PKN2: variants seen among roughly 807,000 people sequenced by gnomAD.
The protein encoded by PKN2 is protein kinase N2, also known as serine/threonine-protein kinase N2.
Under a neutral mutation model 119.1 loss-of-function variants are expected in PKN2, and 38 were observed. That is an observed-to-expected ratio of 0.32 (90% CI 0.25 to 0.42). The LOEUF is 0.42. PKN2 is among the 10% of genes least tolerant of loss of function. PKN2 has a pLI of 1.00. For missense variants in PKN2, 850 were observed against 1,165.1 expected (o/e 0.73, Z 3.94); for synonymous variants, 390 against 384.9 (o/e 1.01, Z -0.15).
At chr1:88,795,950 A>G (rs956518038) in intron 8 of PKN2, among the ~76,000 whole-genome samples, 70 of 152,240 alleles carry the variant, frequency 4.6e-4, no homozygotes, top group Admixed American at 2.4e-3. Context: ...GAGCAATCTG[A>G]GACCCAGCAA....
chr1:88,797,558 C>G (rs1037567697), intron 8 of PKN2, among the ~76,000 whole-genome samples: 1 of 150,848 alleles, frequency 6.6e-6, no homozygotes, highest in African/African-American at 2.4e-5. Flanking sequence ...AGGAGAATCT[C>G]TTGAATCTGG....
chr1:88,833,550 G>T lies in PKN2; in HGVS notation c.*102G>T, dbSNP rs766995532. ...GCCACCAATAGCTTCTGAGTTTTTT[G>T]TTGTTGTTGTTTTTATTGAAACACG... On this transcript the variant is annotated 3_prime_UTR_variant, in exon 22 of 22. Coordinates refer to ENST00000370521, the MANE Select transcript of PKN2 (RefSeq NM_006256.4). 9.3e-5 allele frequency: 77 copies of T among 826,302 alleles called. No homozygotes were observed. The highest frequency in any genetic ancestry group is 2.3e-4 in the Middle Eastern group (1 of 4,322). 51.2% of individuals were successfully genotyped at this position (826,302 alleles called of 1,614,324 possible). A position where few individuals can be genotyped will look rare whatever the true frequency, so the allele number is the denominator to read the frequency against.
chr1:88,824,332 T>C lies in PKN2; in HGVS notation c.2365T>C (p.Leu789=), dbSNP rs747931433. The change falls in exon 18 of 22, where the codon TTG becomes CTG. Residue 789 remains leucine, a synonymous_variant. Transcript: ENST00000370521. ...VYRDLKLDNL[L]LDTEGFVKIA... is the part of the protein sequence containing the mutation. The stretch of plus-strand genomic sequence containing the variant: ...CAGAGATTTGAAATTGGATAACTTA[T>C]TGCTAGATACAGAGGGCTTTGTGAA... The C allele has an allele frequency of 1.1e-5, 17 of 1,591,692 alleles. No homozygotes were observed. In the African/African-American group the frequency reaches 2.0e-4, roughly 19 times the overall value.
At chr1:88,811,518 A>G (rs1671782413) in intron 15 of PKN2, among the ~76,000 whole-genome samples, 1 of 152,160 alleles carries the variant, frequency 6.6e-6, no homozygotes, top group African/African-American at 2.4e-5. Context: ...AAGCAATACA[A>G]ACAATAGCAG....
intron 2 of PKN2, among the ~76,000 whole-genome samples, chr1:88,747,655 A>G (rs1033900813): frequency 1.3e-5 from 2 of 152,078 alleles, no homozygotes; most frequent in Admixed American, 6.5e-5. Flanking sequence ...TGGGTAGTGT[A>G]TAGTCTCTGT....
At chr1:88,691,840 A>G (rs1666345739) in intron 1 of PKN2, among the ~76,000 whole-genome samples, 1 of 151,792 alleles carries the variant, frequency 6.6e-6, no homozygotes, top group Non-Finnish European at 1.5e-5. Context: ...GAGAGAAACC[A>G]CACTCATAAC....
chr1:88,767,744 A>G (rs970966997), intron 3 of PKN2, among the ~76,000 whole-genome samples: 3 of 152,224 alleles, frequency 2.0e-5, no homozygotes, highest in Non-Finnish European at 4.4e-5. Flanking sequence ...AATAAAAGAA[A>G]AATTTATAAA....
intron 3 of PKN2, among the ~76,000 whole-genome samples, chr1:88,764,526 C>A (rs9803961): frequency 0.11 from 16,988 of 152,154 alleles, 1,971 homozygotes; most frequent in African/African-American, 0.3. Flanking sequence ...AAACAATACT[C>A]CATTGAAATA....
intron 17 of PKN2, 151 bp from the exon 18 acceptor site, chr1:88,824,159 G>A (rs185836391): frequency 3.3e-4 from 183 of 552,322 alleles, no homozygotes; most frequent in Non-Finnish European, 5.3e-4. Context: ...GAATGTTTGT[G>A]TTATAGTATT....
In PKN2 at chr1:88,834,158, C is replaced by T. The variant is rs1233421241; in HGVS notation, c.*710C>T. 1 of 151,960 alleles carries T rather than the reference C, an allele frequency of 6.6e-6. No homozygotes were observed. The highest frequency in any genetic ancestry group is 1.5e-5 in the Non-Finnish European group (1 of 67,944). 9.4% of individuals were successfully genotyped at this position (151,960 alleles called of 1,614,324 possible). On this transcript the variant is annotated 3_prime_UTR_variant, in exon 22 of 22. Coordinates refer to ENST00000370521, the MANE Select transcript of PKN2 (RefSeq NM_006256.4). Reference sequence around the variant, plus strand: ...TAAACAGTGCTGAAACAAACAGGATCAGCATTTACTTAAGATGTTAAGAAT... The same window carrying T: ...TAAACAGTGCTGAAACAAACAGGATTAGCATTTACTTAAGATGTTAAGAAT...
intron 15 of PKN2, among the ~76,000 whole-genome samples, chr1:88,810,133 T>C (rs1455895463): frequency 6.6e-6 from 1 of 152,132 alleles, no homozygotes; most frequent in Admixed American, 6.5e-5. Context: ...TAGCTTTTTT[T>C]TTTTGAGACG....
intron 8 of PKN2, among the ~76,000 whole-genome samples, chr1:88,802,111 G>T (rs1027583402): frequency 6.6e-6 from 1 of 152,282 alleles, no homozygotes; most frequent in South Asian, 2.1e-4. Flanking sequence ...GGGCTAAAGC[G>T]TAAGAACTGA....
At chr1:88,742,760 A>G (rs1258876584) in intron 2 of PKN2, among the ~76,000 whole-genome samples, 2 of 152,136 alleles carry the variant, frequency 1.3e-5, no homozygotes, top group African/African-American at 4.8e-5. Context: ...AAAATAAGAA[A>G]CAGCACTGGA....
chr1:88,689,080 G>C lies in PKN2; in HGVS notation c.48+4452G>C, dbSNP rs139069873. Among the ~76,000 whole-genome samples, 1,185 of 152,310 alleles carry C rather than the reference G, an allele frequency of 7.8e-3. 18 individuals carry two copies. The highest frequency in any genetic ancestry group is 0.027 in the African/African-American group (1,132 of 41,562). ...TTTGCAGTGACACTGGAAAGTGGAA[G>C]GTCTGAGTTGGGAGGATTAAAATTT... On this transcript the variant is annotated intron_variant, in intron 1 of 21. Transcript: ENST00000370521.
At position 88,833,632 on chromosome 1, in the gene PKN2, T is replaced by C. The variant is rs1672822590; in HGVS notation, c.*184T>C. Reference sequence around the variant, plus strand: ...CTTCTTCAAAAGTGGCTCCTCATTGTACTTCAGCGTAAATATGAGCACTGG... The same window carrying C: ...CTTCTTCAAAAGTGGCTCCTCATTGCACTTCAGCGTAAATATGAGCACTGG... On this transcript the variant is annotated 3_prime_UTR_variant, in exon 22 of 22. Transcript: ENST00000370521. 1.7e-6 allele frequency: 1 copy of C among 576,278 alleles called. No individual in the cohort carries two copies. Among genetic ancestry groups the C allele is most frequent in the Non-Finnish European group, 3.1e-6 (1 of 326,280 alleles). 35.7% of individuals were successfully genotyped at this position (576,278 alleles called of 1,614,324 possible).
At chr1:88,805,794 G>C (rs1276115549) in intron 11 of PKN2, 97 bp from the exon 12 acceptor site, 1 of 1,605,056 alleles carries the variant, frequency 6.2e-7, no homozygotes, top group South Asian at 1.1e-5. Flanking sequence ...GTAGTGTTCT[G>C]TTTACTTAAA....
At chr1:88,724,370 G>A (rs1005287284) in intron 1 of PKN2, among the ~76,000 whole-genome samples, 3 of 152,010 alleles carry the variant, frequency 2.0e-5, no homozygotes, top group African/African-American at 7.2e-5. Context: ...TTAAATAGTT[G>A]CAGGTGTTTC....
At chr1:88,737,971 T>C (rs1668422891) in intron 1 of PKN2, among the ~76,000 whole-genome samples, 1 of 152,196 alleles carries the variant, frequency 6.6e-6, no homozygotes, top group African/African-American at 2.4e-5. Context: ...GCGAAGTTAC[T>C]TTCATGCATA....
intron 1 of PKN2, among the ~76,000 whole-genome samples, chr1:88,726,866 T>C (rs1667918624): frequency 6.6e-6 from 1 of 152,092 alleles, no homozygotes; most frequent in Non-Finnish European, 1.5e-5. Flanking sequence ...CAGGCTGTGG[T>C]CTATCATGGT....
Sources: allele counts gnomAD v4.1 joint callset (sites outside exome capture counted in the v4.1 genomes callset), GRCh38; gene constraint gnomAD v4.1.1; transcripts MANE v1.5; gene names NCBI Gene and HGNC (gene_info 2026-07-23, HGNC 2026-07-21).